BBS9: variants seen among roughly 807,000 people sequenced by gnomAD.
BBS9 encodes the protein Bardet-Biedl syndrome 9, also known as protein PTHB1.
Under a neutral mutation model 117.7 loss-of-function variants are expected in BBS9, and 89 were observed. The ratio of observed to expected loss-of-function variants is 0.76; its 90% confidence interval spans 0.64 to 0.90. The LOEUF (loss-of-function observed/expected upper bound fraction) is 0.90, where lower values mean the gene tolerates loss of function less well. Ranked by LOEUF, BBS9 falls within the 40% of genes least tolerant of loss-of-function variation. BBS9 has a pLI of 0.00. For missense variants in BBS9, 982 were observed against 1,042.2 expected (o/e 0.94, Z 0.80); for synonymous variants, 379 against 370.9 (o/e 1.02, Z -0.25).
At chr7:33,182,567 A>C (rs1798243233) in intron 5 of BBS9, among the ~76,000 whole-genome samples, 1 of 152,200 alleles carries the variant, frequency 6.6e-6, no homozygotes, top group African/African-American at 2.4e-5. Context: ...TTTTACTAAT[A>C]ATCTTTAAAG....
intron 21 of BBS9, among the ~76,000 whole-genome samples, chr7:33,540,346 T>C (rs538650400): frequency 6.8e-4 from 103 of 152,338 alleles, no homozygotes; most frequent in African/African-American, 2.4e-3. Context: ...TAAAGGTGGA[T>C]ACATTGATAT....
intron 5 of BBS9, among the ~76,000 whole-genome samples, chr7:33,201,948 C>G (rs528395496): frequency 1.3e-5 from 2 of 152,264 alleles, no homozygotes; most frequent in Admixed American, 6.5e-5. Context: ...GTCATGATTA[C>G]AGAAGCTCGG....
intron 15 of BBS9, among the ~76,000 whole-genome samples, chr7:33,354,901 G>T (rs902234084): frequency 6.6e-6 from 1 of 152,056 alleles, no homozygotes; most frequent in Non-Finnish European, 1.5e-5. Flanking sequence ...AATGTTTGAA[G>T]GAGAGGTGAT....
In BBS9 at chr7:33,262,933, C is replaced by T. The variant is rs574945730; in HGVS notation, c.618-1357C>T. Among the ~76,000 whole-genome samples the T allele has an allele frequency of 3.8e-3, 572 of 152,302 alleles. 1 individual carries two copies. The highest frequency in any genetic ancestry group is 6.5e-3 in the Non-Finnish European group (444 of 68,014). ...CGTGCATACCTTCTGTTAATTAGCA[C>T]AGGATACTCTGAGTTATACTTAGCT... On this transcript the variant is annotated intron_variant, in intron 6 of 22. Transcript: ENST00000242067.
At chr7:33,288,183 C>A (rs1803270537) in intron 9 of BBS9, among the ~76,000 whole-genome samples, 1 of 152,172 alleles carries the variant, frequency 6.6e-6, no homozygotes, top group Non-Finnish European at 1.5e-5. Context: ...CCCAGCCCTC[C>A]TTTGGTTTCT....
At chr7:33,378,659 A>C (rs913285367) in intron 17 of BBS9, among the ~76,000 whole-genome samples, 2 of 152,192 alleles carry the variant, frequency 1.3e-5, no homozygotes, top group Non-Finnish European at 2.9e-5. Flanking sequence ...AAAAGGAAGG[A>C]GCTCCATAGG....
chr7:33,162,686 T>C (rs959794715), intron 4 of BBS9, among the ~76,000 whole-genome samples: 5 of 152,176 alleles, frequency 3.3e-5, no homozygotes, highest in African/African-American at 1.2e-4. Context: ...TTTTGTATAC[T>C]GAGACTTTGC....
intron 9 of BBS9, among the ~76,000 whole-genome samples, chr7:33,292,585 C>T (rs1804292054): frequency 6.6e-6 from 1 of 152,070 alleles, no homozygotes; most frequent in Non-Finnish European, 1.5e-5. Flanking sequence ...TTTATTATGT[C>T]AGGTGAATAT....
At chr7:33,400,234 A>T (rs1221671456) in intron 19 of BBS9, among the ~76,000 whole-genome samples, 2 of 26,324 alleles carry the variant, frequency 7.6e-5, no homozygotes, top group Non-Finnish European at 1.6e-4. Context: ...TTGATCTTTA[A>T]AAAAAAAATA....
chr7:33,306,714 T>TAG (rs1272219749), intron 9 of BBS9, among the ~76,000 whole-genome samples: 2 of 152,114 alleles, frequency 1.3e-5, no homozygotes, highest in Non-Finnish European at 2.9e-5. Flanking sequence ...TGTTATTACC[T>TAG]AGAATCCAAT....
At chr7:33,336,264 T>A (rs938379087) in intron 9 of BBS9, among the ~76,000 whole-genome samples, 177 bp from the exon 10 acceptor site, 1 of 152,232 alleles carries the variant, frequency 6.6e-6, no homozygotes, top group South Asian at 2.1e-4. Flanking sequence ...AATACTTCTG[T>A]AAATACAAAT....
intron 9 of BBS9, among the ~76,000 whole-genome samples, chr7:33,319,118 G>A (rs190984733): frequency 2.2e-4 from 34 of 151,224 alleles, no homozygotes; most frequent in Admixed American, 9.9e-4. Flanking sequence ...AGCCAAGATC[G>A]CGCCACTGCC....
intron 21 of BBS9, among the ~76,000 whole-genome samples, chr7:33,613,429 C>G (rs1338984859): frequency 1.3e-5 from 2 of 151,890 alleles, no homozygotes; most frequent in Non-Finnish European, 2.9e-5. Flanking sequence ...TTTCACTTCT[C>G]CATAATGTTA....
Position 33,501,253 on chromosome 7 carries a change from G to C in BBS9, c.2116-4210G>C, listed in dbSNP as rs186524243. Among the ~76,000 whole-genome samples, 544 of 152,274 alleles carry C rather than the reference G, an allele frequency of 3.6e-3. 1 individual carries two copies. Among genetic ancestry groups the C allele is most frequent in the Non-Finnish European group, 5.9e-3 (400 of 68,014 alleles). Reference sequence around the variant, plus strand: ...CCAGTCTTTTTACTATGTTAATTCTGTTAAATTCATTTGGCTCTTGTGGGG... The same window carrying C: ...CCAGTCTTTTTACTATGTTAATTCTCTTAAATTCATTTGGCTCTTGTGGGG... On this transcript the variant is annotated intron_variant, in intron 19 of 22. Transcript: ENST00000242067.
intron 21 of BBS9, among the ~76,000 whole-genome samples, chr7:33,625,436 G>A (rs75091026): frequency 0.021 from 3,251 of 152,060 alleles, 45 homozygotes; most frequent in East Asian, 0.049. Flanking sequence ...ATTTGCCCAG[G>A]GTTACATAGG....
chr7:33,492,811 A>AGAGTGTGTGT (rs779723867), intron 19 of BBS9, among the ~76,000 whole-genome samples: 1 of 131,580 alleles, frequency 7.6e-6, no homozygotes, highest in African/African-American at 3.0e-5. Context: ...TATAGGAGTG[A>AGAGTGTGTGT]GTGTGTGTGT....
intron 19 of BBS9, among the ~76,000 whole-genome samples, chr7:33,453,520 C>CT (rs554285058): frequency 0.011 from 1,526 of 141,756 alleles, 12 homozygotes; most frequent in African/African-American, 0.016. Context: ...TTCCTTGTGA[C>CT]TTTTTTTTTT....
rs70989948 is a variant in BBS9, at chr7:33,366,543, C to CTTTTTTTTTT, written c.1694-1214_1694-1205dup. Among the ~76,000 whole-genome samples the CTTTTTTTTTT allele has an allele frequency of 3.7e-3, 329 of 89,680 alleles. 1 individual carries two copies. Among genetic ancestry groups the CTTTTTTTTTT allele is most frequent in the Non-Finnish European group, 4.6e-3 (224 of 48,190 alleles). The allele number at this position is 89,680 out of a possible 152,430, so 58.8% of individuals were successfully genotyped here. A position where few individuals can be genotyped will look rare whatever the true frequency, so the allele number is the denominator to read the frequency against. On this transcript the variant is annotated intron_variant, in intron 16 of 22. Transcript: ENST00000242067. ...GTTTCTTTTTTTTTTTCTTTTCTTTCTTTTTTTTTTTTTTTTTTTGAGATG... is the reference window on the plus strand; with the variant it reads ...GTTTCTTTTTTTTTTTCTTTTCTTTCTTTTTTTTTTTTTTTTTTTTTTTTTTTTTGAGATG...
chr7:33,527,525 C>T (rs1849788581), intron 20 of BBS9, among the ~76,000 whole-genome samples: 1 of 152,214 alleles, frequency 6.6e-6, no homozygotes, highest in South Asian at 2.1e-4. Flanking sequence ...GTGCGTCCGT[C>T]ACCCCTTTCT....
Sources: allele counts gnomAD v4.1 joint callset (sites outside exome capture counted in the v4.1 genomes callset), GRCh38; gene constraint gnomAD v4.1.1; transcripts MANE v1.5; gene names NCBI Gene and HGNC (gene_info 2026-07-23, HGNC 2026-07-21).